FGFR1OP2: variants seen among roughly 807,000 people sequenced by gnomAD.
FGFR1OP2 encodes the protein fibroblast growth factor receptor 1 oncogene partner 2.
Under a neutral mutation model 35.2 loss-of-function variants are expected in FGFR1OP2, and 17 were observed. The ratio of observed to expected loss-of-function variants is 0.48; its 90% confidence interval spans 0.33 to 0.73. FGFR1OP2 has a LOEUF of 0.73. FGFR1OP2 is among the 30% of genes least tolerant of loss of function. FGFR1OP2 has a pLI of 0.02. For missense variants in FGFR1OP2, 251 were observed against 307.3 expected (o/e 0.82, Z 1.37); for synonymous variants, 105 against 104.6 (o/e 1.00, Z -0.03).
intron 1 of FGFR1OP2, among the ~76,000 whole-genome samples, chr12:26,952,445 T>G (rs1469992118): frequency 6.6e-6 from 1 of 152,188 alleles, no homozygotes; most frequent in Non-Finnish European, 1.5e-5. Flanking sequence ...CTAAACCTCC[T>G]GAATCTTACA....
intron 1 of FGFR1OP2, among the ~76,000 whole-genome samples, chr12:26,948,094 A>G (rs1415725537): frequency 1.3e-5 from 2 of 152,210 alleles, no homozygotes; most frequent in East Asian, 1.9e-4. Context: ...TGATCAATGT[A>G]TAGGCCTTTT....
rs1159249403 is a variant in FGFR1OP2 at position 26,964,853 on chromosome 12, C to CT, written c.*121dup. Reference sequence around the variant, plus strand: ...TCTGTAAATATGTACAGTGCACGGGCTATGAGATAGCAACAAAAAATGCAT... The same window carrying CT: ...TCTGTAAATATGTACAGTGCACGGGCTTATGAGATAGCAACAAAAAATGCAT... On this transcript the variant is annotated 3_prime_UTR_variant, in exon 7 of 7. Coordinates refer to ENST00000229395, the MANE Select transcript of FGFR1OP2 (RefSeq NM_015633.3). The CT allele has an allele frequency of 9.8e-7, 1 of 1,021,482 alleles. No homozygotes were observed. Among genetic ancestry groups the CT allele is most frequent in the Non-Finnish European group, 1.4e-6 (1 of 721,212 alleles). The allele number at this position is 1,021,482 out of a possible 1,614,324, so 63.3% of individuals were successfully genotyped here. A position where few individuals can be genotyped will look rare whatever the true frequency, so the allele number is the denominator to read the frequency against.
In FGFR1OP2 at chr12:26,965,200, T is replaced by C. The variant is rs1305639024; in HGVS notation, c.*467T>C. The C allele has an allele frequency of 2.0e-5, 3 of 153,694 alleles. No individual in the cohort carries two copies. Among genetic ancestry groups the C allele is most frequent in the African/African-American group, 7.2e-5 (3 of 41,462 alleles). The allele number at this position is 153,694 out of a possible 1,614,324, so 9.5% of individuals were successfully genotyped here. On this transcript the variant is annotated 3_prime_UTR_variant, in exon 7 of 7. Transcript: ENST00000229395. ...TATGTACCATGAGACTTCTAGTGAT[T>C]GCCTACTTTCACATTTATTTAAATT...
intron 1 of FGFR1OP2, among the ~76,000 whole-genome samples, chr12:26,948,471 A>G (rs1938864505): frequency 6.6e-6 from 1 of 152,324 alleles, no homozygotes; most frequent in South Asian, 2.1e-4. Flanking sequence ...GTGTTGTTCT[A>G]CTTTTTACTG....
chr12:26,965,732 T>TAACCTGCAAGATTTTTCTTAA lies in FGFR1OP2; in HGVS notation c.*1005_*1025dup, dbSNP rs1939167243. 1 of 151,838 alleles carries TAACCTGCAAGATTTTTCTTAA rather than the reference T, an allele frequency of 6.6e-6. No individual in the cohort carries two copies. The highest frequency in any genetic ancestry group is 6.6e-5 in the Admixed American group (1 of 15,238). 9.4% of individuals were successfully genotyped at this position (151,838 alleles called of 1,614,324 possible). ...GTTTTTAAGCTCCATCTGGTCCTCA[T>TAACCTGCAAGATTTTTCTTAA]AACCTGCAAGATTTTTCTTAAAACC... is the stretch of plus-strand genomic sequence containing the variant. On this transcript the variant is annotated 3_prime_UTR_variant, in exon 7 of 7. Transcript: ENST00000229395.
Position 26,964,742 on chromosome 12 carries a change from T to C in FGFR1OP2, c.*9T>C, listed in dbSNP as rs774079124. The C allele has an allele frequency of 1.2e-6, 2 of 1,607,436 alleles. No individual in the cohort carries two copies. The highest frequency in any genetic ancestry group is 8.5e-7 in the Non-Finnish European group (1 of 1,176,588). ...GTCTGAGGAAGAGCTGAAGAGTTTC[T>C]GAGTCTGTGAGCTTCTTACATGGCT... is the stretch of plus-strand genomic sequence containing the variant. On this transcript the variant is annotated 3_prime_UTR_variant, in exon 7 of 7. Coordinates refer to ENST00000229395, the MANE Select transcript of FGFR1OP2 (RefSeq NM_015633.3).
chr12:26,962,244 T>A (rs1939114923), intron 5 of FGFR1OP2: 1 of 152,242 alleles, frequency 6.6e-6, no homozygotes, highest in African/African-American at 2.4e-5. Flanking sequence ...GGTTTCCCCA[T>A]GAAAAGGACC....
chr12:26,944,694 G>T (rs1338538050), intron 1 of FGFR1OP2, among the ~76,000 whole-genome samples: 2 of 151,982 alleles, frequency 1.3e-5, no homozygotes, highest in Non-Finnish European at 2.9e-5. Flanking sequence ...CTTTGGTTTT[G>T]GTATCAGTAA....
At chr12:26,960,860 G>A (rs181823434) in intron 5 of FGFR1OP2, 1 of 435,996 alleles carries the variant, frequency 2.3e-6, no homozygotes, top group African/African-American at 2.0e-5. Flanking sequence ...AGGTTTTATA[G>A]GTTATTCAGT....
chr12:26,952,337 A>G (rs1183116884), intron 1 of FGFR1OP2, among the ~76,000 whole-genome samples: 1 of 152,150 alleles, frequency 6.6e-6, no homozygotes, highest in Non-Finnish European at 1.5e-5. Flanking sequence ...ATCTTCGGAT[A>G]GATTTTGGGT....
chr12:26,944,197 T>C (rs555930804), intron 1 of FGFR1OP2, among the ~76,000 whole-genome samples: 3 of 152,346 alleles, frequency 2.0e-5, no homozygotes, highest in South Asian at 4.1e-4. Context: ...TGGGGTTTTC[T>C]ACATAGACAA....
intron 2 of FGFR1OP2, among the ~76,000 whole-genome samples, chr12:26,955,078 T>G (rs1263664095): frequency 1.3e-5 from 2 of 152,212 alleles, no homozygotes; most frequent in Non-Finnish European, 2.9e-5. Flanking sequence ...ACAACTGTGT[T>G]GCCCTAAACA....
chr12:26,951,886 A>C lies in FGFR1OP2; in HGVS notation c.-14-2259A>C, dbSNP rs1190591657. Among the ~76,000 whole-genome samples the C allele has an allele frequency of 2.0e-5, 3 of 152,308 alleles. No homozygotes were observed. The East Asian group carries it at 5.8e-4, about 29-fold the overall frequency. On this transcript the variant is annotated intron_variant, in intron 1 of 6. Coordinates refer to ENST00000229395, the MANE Select transcript of FGFR1OP2 (RefSeq NM_015633.3). Reference sequence around the variant, plus strand: ...GTAGTCCCAACAATATCATTTACAGATTAGGACTGTTAGAGAGTTCTATTA... The same window carrying C: ...GTAGTCCCAACAATATCATTTACAGCTTAGGACTGTTAGAGAGTTCTATTA...
In FGFR1OP2 at chr12:26,964,628, A is replaced by C. The variant is rs1467262939; in HGVS notation, c.657A>C (p.Gln219His). The change falls in exon 7 of 7, where the codon CAA (glutamine) becomes CAC (histidine). Residue 219 changes from glutamine (Q) to histidine (H), a missense_variant. Gln to His is a conservative substitution (Grantham distance 24, BLOSUM62 0). Transcript: ENST00000229395. ...QENKGLREIL[Q>H]ITRESFLNLR... ...ACAAAGGCTTGAGAGAGATCCTTCA[A>C]ATAACTCGAGAATCATTTTTGAACC... The C allele has an allele frequency of 6.2e-7, 1 of 1,613,032 alleles. No individual in the cohort carries two copies. The highest frequency in any genetic ancestry group is 8.5e-7 in the Non-Finnish European group (1 of 1,179,430).
At chr12:26,957,773 T>C in intron 4 of FGFR1OP2, 30 bp downstream of exon 4, 1 of 1,552,016 alleles carries the variant, frequency 6.4e-7, no homozygotes, top group South Asian at 1.2e-5. Flanking sequence ...TGACCTGAAA[T>C]GGAAAAGAGA....
At position 26,966,312 on chromosome 12, in the gene FGFR1OP2, G is replaced by A. The variant is rs572904892; in HGVS notation, c.*1579G>A. 1 of 152,120 alleles carries A rather than the reference G, an allele frequency of 6.6e-6. No homozygotes were observed. Among genetic ancestry groups the A allele is most frequent in the South Asian group, 2.1e-4 (1 of 4,830 alleles). 9.4% of individuals were successfully genotyped at this position (152,120 alleles called of 1,614,324 possible). On this transcript the variant is annotated 3_prime_UTR_variant, in exon 7 of 7. Coordinates refer to ENST00000229395, the MANE Select transcript of FGFR1OP2 (RefSeq NM_015633.3). The stretch of plus-strand genomic sequence containing the variant: ...CTTAATTTAATGACACATTCATTCA[G>A]ATACTTCTTATCCCTGCTAATAAAG...
chr12:26,942,585 T>C (rs1368257256), intron 1 of FGFR1OP2, among the ~76,000 whole-genome samples: 2 of 152,308 alleles, frequency 1.3e-5, no homozygotes, highest in East Asian at 3.9e-4. Context: ...GACTTATACA[T>C]ATTAGATAGG....
At chr12:26,960,926 T>C (rs1939097089) in intron 5 of FGFR1OP2, 1 of 190,360 alleles carries the variant, frequency 5.3e-6, no homozygotes, top group South Asian at 1.7e-4. Context: ...GTCATTTCCT[T>C]TCTGGACATC....
intron 2 of FGFR1OP2, among the ~76,000 whole-genome samples, chr12:26,955,980 C>T (rs1939012035): frequency 6.6e-6 from 1 of 152,016 alleles, no homozygotes; most frequent in Admixed American, 6.6e-5. Context: ...TGATTGCGGC[C>T]CAGCACAAAT....
Sources: allele counts gnomAD v4.1 joint callset (sites outside exome capture counted in the v4.1 genomes callset), GRCh38; gene constraint gnomAD v4.1.1; transcripts MANE v1.5; gene names NCBI Gene and HGNC (gene_info 2026-07-23, HGNC 2026-07-21).